The following MYT1L variants were observed in gnomAD, a reference collection of about 807,000 sequenced individuals.
MYT1L encodes the protein myelin transcription factor 1 like.
A neutral mutation model predicts 126.7 loss-of-function variants in MYT1L; 12 were observed. The ratio of observed to expected loss-of-function variants is 0.09; its 90% CI spans 0.06 to 0.15. The LOEUF is 0.15. Ranked by LOEUF, MYT1L falls within the 10% of genes least tolerant of loss-of-function variation. The pLI is 1.00. For missense variants in MYT1L, 979 were observed against 1,585.2 expected (o/e 0.62, Z 6.49); for synonymous variants, 541 against 604.2 (o/e 0.90, Z 1.53).
chr2:2,272,694 G>A (rs60765584), intron 2 of MYT1L, among the ~76,000 whole-genome samples: 3,383 of 152,258 alleles, frequency 0.022, 105 homozygotes, highest in African/African-American at 0.076. Flanking sequence ...AAAAGCAGGC[G>A]TCTTGGCTTA....
chr2:2,073,141 C>T (rs553812655), intron 3 of MYT1L, among the ~76,000 whole-genome samples: 6 of 152,168 alleles, frequency 3.9e-5, no homozygotes, highest in African/African-American at 1.2e-4. Flanking sequence ...AATACCATCA[C>T]CTTACAGGTT....
rs1343211419 is a variant in MYT1L at position 1,889,035 on chromosome 2, G to A, written c.2520+206C>T. Among the ~76,000 whole-genome samples the A allele has an allele frequency of 6.6e-6, 1 of 152,134 alleles. No individual in the cohort carries two copies. The highest frequency in any genetic ancestry group is 1.5e-5 in the Non-Finnish European group (1 of 68,024). ...AAAATAAACTTTATCATTTACAAGA[G>A]TCAATACTTTGTTTCACTCTAATCA... On this transcript the variant is annotated intron_variant, in intron 16 of 24. Transcript: ENST00000647738. The surrounding 1 kb of genome is among the most constrained non-coding windows in gnomAD (Gnocchi z 4.1).
At chr2:2,218,420 G>A (rs1442483789) in intron 2 of MYT1L, among the ~76,000 whole-genome samples, 3 of 152,174 alleles carry the variant, frequency 2.0e-5, no homozygotes, top group Admixed American at 2.0e-4. Flanking sequence ...ACAGCAAGAT[G>A]GGTGAATCTC....
intron 2 of MYT1L, among the ~76,000 whole-genome samples, chr2:2,178,609 T>A (rs1392547632): frequency 1.3e-5 from 2 of 152,122 alleles, no homozygotes; most frequent in African/African-American, 2.4e-5. Context: ...CCCCTCAGGG[T>A]CTGCTGTTTG....
intron 21 of MYT1L, among the ~76,000 whole-genome samples, chr2:1,820,149 G>C (rs2148128547): frequency 6.6e-6 from 1 of 152,292 alleles, no homozygotes; most frequent in South Asian, 2.1e-4. Context: ...AGAAGGGCTG[G>C]GGCTTGGTCA....
intron 2 of MYT1L, among the ~76,000 whole-genome samples, chr2:2,253,996 C>T (rs560909350): frequency 2.6e-5 from 4 of 152,274 alleles, no homozygotes; most frequent in Non-Finnish European, 5.9e-5. Context: ...CACATATATG[C>T]ACCCCCAGCA....
At chr2:1,939,586 G>A (rs1251739487) in intron 9 of MYT1L, among the ~76,000 whole-genome samples, 3 of 152,250 alleles carry the variant, frequency 2.0e-5, no homozygotes, top group Non-Finnish European at 4.4e-5. Context: ...TAACAAGTGA[G>A]TAACGTGCTC....
At chr2:2,292,555 G>A (rs570239436) in intron 1 of MYT1L, among the ~76,000 whole-genome samples, 1 of 152,126 alleles carries the variant, frequency 6.6e-6, no homozygotes, top group Non-Finnish European at 1.5e-5. Flanking sequence ...GTCAGCACTC[G>A]GGGACAGCCT....
chr2:2,314,156 G>A (rs910381513), intron 1 of MYT1L, among the ~76,000 whole-genome samples: 5 of 152,100 alleles, frequency 3.3e-5, no homozygotes, highest in African/African-American at 1.2e-4. Flanking sequence ...CTTCTGGACT[G>A]TCATATGTTC....
At chr2:2,150,915 C>CAGAG (rs1553515051) in intron 3 of MYT1L, among the ~76,000 whole-genome samples, 14 of 133,784 alleles carry the variant, frequency 1.0e-4, no homozygotes, top group Non-Finnish European at 1.7e-4. Context: ...GGGAGGGAGA[C>CAGAG]GGAGGGAGGG....
At position 2,059,445 on chromosome 2, in the gene MYT1L, T is replaced by C. The variant is rs1489928960; in HGVS notation, c.-303-5322A>G. Among the ~76,000 whole-genome samples, 1 of 151,648 alleles carries C rather than the reference T, an allele frequency of 6.6e-6. No homozygotes were observed. The highest frequency in any genetic ancestry group is 1.9e-4 in the East Asian group (1 of 5,162). On this transcript the variant is annotated intron_variant, in intron 3 of 24. Coordinates refer to ENST00000647738, the MANE Select transcript of MYT1L (RefSeq NM_001303052.2). This position sits in a 1 kb window ranked among gnomAD's most constrained non-coding sequence, Gnocchi z 4.7. ...GCAGGAAGCACCCAATGGTCTCACT[T>C]TCCGTTTGTGTTGATGAGCAGAGCC...
At position 1,910,142 on chromosome 2, in the gene MYT1L, C is replaced by T; in HGVS notation, c.1817+98G>A. The T allele has an allele frequency of 9.9e-6, 11 of 1,115,476 alleles. 1 individual carries two copies. In the South Asian group the frequency reaches 1.4e-4, roughly 14 times the overall value. 69.1% of individuals were successfully genotyped at this position (1,115,476 alleles called of 1,614,324 possible). A position where few individuals can be genotyped will look rare whatever the true frequency, so the allele number is the denominator to read the frequency against. On this transcript the variant is annotated intron_variant, in intron 13 of 24. Transcript: ENST00000647738. This position sits in a 1 kb window ranked among gnomAD's most constrained non-coding sequence, Gnocchi z 4.8. ...CCCCGCCCTCCAGTCCCTGCCCCTG[C>T]TGCTGTAGGGACATGCCCTGAGCGG...
At chr2:1,841,101 T>C in intron 19 of MYT1L, 1 of 358,740 alleles carries the variant, frequency 2.8e-6, no homozygotes, top group Admixed American at 4.4e-5. Flanking sequence ...GAGACGGGGT[T>C]TCACCGTGTT....
chr2:2,236,977 C>T (rs939038258), intron 2 of MYT1L, among the ~76,000 whole-genome samples: 1 of 152,040 alleles, frequency 6.6e-6, no homozygotes, highest in African/African-American at 2.4e-5. Context: ...CCACACCCAG[C>T]TAATTTATGT....
chr2:2,121,270 C>T (rs1286116511), intron 3 of MYT1L, among the ~76,000 whole-genome samples: 2 of 152,146 alleles, frequency 1.3e-5, no homozygotes, highest in South Asian at 2.1e-4. Context: ...CTCCCGGGTC[C>T]GGGTTCAAGC....
intron 4 of MYT1L, among the ~76,000 whole-genome samples, chr2:2,029,680 G>A (rs112033007): frequency 0.012 from 1,797 of 152,242 alleles, 16 homozygotes; most frequent in Non-Finnish European, 0.016. Flanking sequence ...AAATGACTTG[G>A]ATTTGAAATT....
intron 2 of MYT1L, among the ~76,000 whole-genome samples, chr2:2,219,841 G>A (rs1276214714): frequency 6.6e-6 from 1 of 152,192 alleles, no homozygotes; most frequent in Non-Finnish European, 1.5e-5. Flanking sequence ...AGAACTGCTG[G>A]TGAGTGTACC....
chr2:1,795,654 T>C (rs1035230636), intron 23 of MYT1L: 9 of 152,264 alleles, frequency 5.9e-5, no homozygotes, highest in African/African-American at 2.2e-4. Flanking sequence ...CCGTCATCAA[T>C]GATGTGCGCT....
intron 2 of MYT1L, among the ~76,000 whole-genome samples, chr2:2,220,907 G>T (rs1052659688): frequency 1.3e-5 from 2 of 152,090 alleles, no homozygotes; most frequent in African/African-American, 4.8e-5. Flanking sequence ...GTTATTGATG[G>T]TGATGATTTG....
Sources: gnomAD v4.1 joint callset for allele counts (sites outside exome capture counted in the v4.1 genomes callset) on GRCh38, gnomAD v4.1.1 for gene constraint, Gnocchi (gnomAD v3.1) non-coding constraint, MANE v1.5 for transcripts, NCBI Gene and HGNC (gene_info 2026-07-23, HGNC 2026-07-21) for gene names.